Variants in DLGAP2 observed in about 807,000 individuals in gnomAD.
The protein encoded by DLGAP2 is DLG associated protein 2, also known as disks large-associated protein 2.
DLGAP2 carries 26 observed loss-of-function variants against 100.3 expected under a neutral mutation model. The ratio of observed to expected loss-of-function variants is 0.26; its 90% CI spans 0.19 to 0.36. The LOEUF is 0.36. DLGAP2 is among the 10% of genes least tolerant of loss of function. DLGAP2 has a pLI of 1.00. For missense variants in DLGAP2, 1,858 were observed against 1,453.2 expected (o/e 1.28, Z -4.53); for synonymous variants, 886 against 630.1 (o/e 1.41, Z -6.08).
At chr8:1,383,081 C>T (rs1306167246) in intron 3 of DLGAP2, among the ~76,000 whole-genome samples, 1 of 152,208 alleles carries the variant, frequency 6.6e-6, no homozygotes, top group African/African-American at 2.4e-5. Flanking sequence ...GGTGGATGTG[C>T]ATCGCCACGT....
At chr8:1,236,335 A>G (rs1259755980) in intron 2 of DLGAP2, among the ~76,000 whole-genome samples, 5 of 62,210 alleles carry the variant, frequency 8.0e-5, no homozygotes, top group Non-Finnish European at 1.3e-4. Flanking sequence ...GTTCTCTCAC[A>G]TGGCGCCGTG....
chr8:1,316,539 A>G (rs562188981), intron 3 of DLGAP2, among the ~76,000 whole-genome samples: 4 of 134,112 alleles, frequency 3.0e-5, no homozygotes, highest in South Asian at 5.1e-4. Context: ...GCAGCGTTTA[A>G]AAATAGAGGC....
intron 2 of DLGAP2, among the ~76,000 whole-genome samples, chr8:1,156,907 GTCC>G (rs1215241451): frequency 7.2e-5 from 11 of 152,134 alleles, no homozygotes; most frequent in African/African-American, 2.4e-4. Context: ...AGGCCCTGCC[GTCC>G]ACTCAGGGTT....
At chr8:747,226 C>T (rs972532120) in intron 1 of DLGAP2, among the ~76,000 whole-genome samples, 2 of 152,132 alleles carry the variant, frequency 1.3e-5, no homozygotes, top group African/African-American at 4.8e-5. Context: ...CACAACGCGT[C>T]ATACTTCTGA....
chr8:1,514,032 A>C (rs1800272972), intron 4 of DLGAP2, among the ~76,000 whole-genome samples: 1 of 152,216 alleles, frequency 6.6e-6, no homozygotes, highest in African/African-American at 2.4e-5. Context: ...TATGGGGCAC[A>C]GATTTGCTTT....
At chr8:1,336,470 G>A (rs757400782) in intron 3 of DLGAP2, among the ~76,000 whole-genome samples, 6 of 152,188 alleles carry the variant, frequency 3.9e-5, no homozygotes, top group Non-Finnish European at 8.8e-5. Context: ...CTTTACAGAC[G>A]TCCGTTATGA....
intron 6 of DLGAP2, among the ~76,000 whole-genome samples, chr8:1,619,336 G>T (rs1797256108): frequency 6.6e-6 from 1 of 152,224 alleles, no homozygotes; most frequent in Non-Finnish European, 1.5e-5. Flanking sequence ...TGCCCAAGAG[G>T]ATACGGGTGG....
At chr8:1,065,551 C>G (rs1418220797) in intron 2 of DLGAP2, among the ~76,000 whole-genome samples, 1 of 152,156 alleles carries the variant, frequency 6.6e-6, no homozygotes, top group Non-Finnish European at 1.5e-5. Flanking sequence ...AACCAGTGAC[C>G]TCTGTAAAAT....
Position 860,595 on chromosome 8 carries a change from G to T in DLGAP2, c.19-47317G>T, listed in dbSNP as rs560147551. Among the ~76,000 whole-genome samples the T allele has an allele frequency of 7.2e-5, 11 of 151,826 alleles. No individual in the cohort carries two copies. In the South Asian group the frequency reaches 2.3e-3, roughly 31 times the overall value. On this transcript the variant is annotated intron_variant, in intron 1 of 14. Coordinates refer to ENST00000637795, the MANE Select transcript of DLGAP2 (RefSeq NM_001346810.2). The stretch of plus-strand genomic sequence containing the variant: ...TCAGTGGTTACTGTGGGGACTGACA[G>T]AGTCTTCCTTTTCCAATCCCTAACC...
At chr8:983,283 C>T (rs559393789) in intron 2 of DLGAP2, among the ~76,000 whole-genome samples, 27 of 151,526 alleles carry the variant, frequency 1.8e-4, no homozygotes, top group South Asian at 1.0e-3. Flanking sequence ...AGGTACAGGT[C>T]GTCGAGATGT....
At chr8:1,460,597 C>G (rs1798446057) in intron 3 of DLGAP2, among the ~76,000 whole-genome samples, 1 of 152,166 alleles carries the variant, frequency 6.6e-6, no homozygotes, top group African/African-American at 2.4e-5. Flanking sequence ...ACAGGTTTTT[C>G]ATTGATAGAA....
At chr8:960,660 T>G (rs1479863240) in intron 2 of DLGAP2, among the ~76,000 whole-genome samples, 3 of 152,254 alleles carry the variant, frequency 2.0e-5, no homozygotes, top group East Asian at 3.8e-4. Flanking sequence ...TGGTATTTAC[T>G]TATCTGATAG....
chr8:1,527,285 C>G (rs1007134086), intron 4 of DLGAP2, among the ~76,000 whole-genome samples: 8 of 152,240 alleles, frequency 5.3e-5, no homozygotes, highest in Admixed American at 5.2e-4. Context: ...GCCTGAGTGA[C>G]ACCACCATCC....
At chr8:1,336,900 C>G (rs1017033457) in intron 3 of DLGAP2, among the ~76,000 whole-genome samples, 1 of 152,190 alleles carries the variant, frequency 6.6e-6, no homozygotes, top group Non-Finnish European at 1.5e-5. Context: ...GAAAAACATG[C>G]TTTTCACTAG....
At chr8:1,690,595 T>C (rs576963452) in intron 12 of DLGAP2, among the ~76,000 whole-genome samples, 16 of 149,460 alleles carry the variant, frequency 1.1e-4, no homozygotes, top group Non-Finnish European at 1.8e-4. Flanking sequence ...TCCCAGCTAC[T>C]TGGGAGGCTG....
At chr8:1,492,761 G>A (rs752541354) in intron 3 of DLGAP2, among the ~76,000 whole-genome samples, 1 of 152,158 alleles carries the variant, frequency 6.6e-6, no homozygotes, top group African/African-American at 2.4e-5. Context: ...CGACGCAGCC[G>A]ATTTTGCGTG....
At chr8:1,543,712 A>C (rs1190889449) in intron 4 of DLGAP2, among the ~76,000 whole-genome samples, 1 of 152,214 alleles carries the variant, frequency 6.6e-6, no homozygotes, top group Non-Finnish European at 1.5e-5. Context: ...CTTCTGCAAA[A>C]AAGCCATGTG....
At chr8:1,328,606 C>T (rs1801077502) in intron 3 of DLGAP2, among the ~76,000 whole-genome samples, 1 of 152,146 alleles carries the variant, frequency 6.6e-6, no homozygotes, top group East Asian at 1.9e-4. Context: ...CCGCCTTGGC[C>T]TCCTAAAGTG....
chr8:1,364,905 T>C (rs1802074492), intron 3 of DLGAP2, among the ~76,000 whole-genome samples: 1 of 152,016 alleles, frequency 6.6e-6, no homozygotes, highest in Non-Finnish European at 1.5e-5. Context: ...CAGGGGGTAG[T>C]TTTAAAACTT....
Sources: allele counts gnomAD v4.1 joint callset (sites outside exome capture counted in the v4.1 genomes callset), GRCh38; gene constraint gnomAD v4.1.1; transcripts MANE v1.5; gene names NCBI Gene and HGNC (gene_info 2026-07-23, HGNC 2026-07-21).